The following KCTD16 variants were observed in gnomAD, a reference collection of about 807,000 sequenced individuals.
KCTD16 encodes the protein BTB/POZ domain-containing protein KCTD16.
A neutral mutation model predicts 33.2 loss-of-function variants in KCTD16; 13 were observed. The ratio of observed to expected loss-of-function variants is 0.39; its 90% CI spans 0.25 to 0.62. The LOEUF (loss-of-function observed/expected upper bound fraction) is 0.62. Among genes scored for constraint, KCTD16 ranks in the 20% least tolerant of loss-of-function variants. KCTD16 has a pLI of 0.50. For synonymous variants in KCTD16, 197 were observed against 195.3 expected, an observed-to-expected ratio of 1.01 and a Z score of -0.07; for missense variants, 441 against 525.1, an observed-to-expected ratio of 0.84 and a Z score of 1.57.
intron 2 of KCTD16, among the ~76,000 whole-genome samples, chr5:144,174,848 T>C (rs934872720): frequency 6.6e-6 from 1 of 152,328 alleles, no homozygotes; most frequent in Admixed American, 6.5e-5. Context: ...ATATTGTAAA[T>C]ACTGTAAATA....
At chr5:144,461,460 T>C (rs1754193780) in intron 3 of KCTD16, among the ~76,000 whole-genome samples, 1 of 152,218 alleles carries the variant, frequency 6.6e-6, no homozygotes, top group Non-Finnish European at 1.5e-5. Flanking sequence ...TTCTCACTGA[T>C]ATCTGTAACT....
intron 3 of KCTD16, among the ~76,000 whole-genome samples, chr5:144,393,949 T>G (rs1364914607): frequency 2.0e-5 from 3 of 151,242 alleles, no homozygotes; most frequent in African/African-American, 7.3e-5. Context: ...TTTTCCTTTT[T>G]TTCTTTCTTT....
At chr5:144,253,606 G>A (rs1023059377) in intron 3 of KCTD16, among the ~76,000 whole-genome samples, 2 of 152,140 alleles carry the variant, frequency 1.3e-5, no homozygotes, top group Non-Finnish European at 2.9e-5. Flanking sequence ...GTGCAGACAT[G>A]TGTCTATAGA....
chr5:144,317,911 A>G (rs1353278193), intron 3 of KCTD16, among the ~76,000 whole-genome samples: 1 of 152,112 alleles, frequency 6.6e-6, no homozygotes, highest in Non-Finnish European at 1.5e-5. Flanking sequence ...AGAGATGGAG[A>G]TTTATTCATC....
intron 3 of KCTD16, among the ~76,000 whole-genome samples, chr5:144,363,772 A>G (rs973745454): frequency 2.0e-5 from 3 of 152,194 alleles, no homozygotes; most frequent in Admixed American, 2.0e-4. Flanking sequence ...GACACCTCCC[A>G]GAGATCAACA....
intron 3 of KCTD16, among the ~76,000 whole-genome samples, chr5:144,240,807 T>C (rs999733337): frequency 2.0e-5 from 3 of 152,116 alleles, no homozygotes; most frequent in Non-Finnish European, 4.4e-5. Context: ...TAAGATTATA[T>C]TGAGATTATG....
chr5:144,243,809 T>C (rs1380173929), intron 3 of KCTD16, among the ~76,000 whole-genome samples: 1 of 152,138 alleles, frequency 6.6e-6, no homozygotes, highest in African/African-American at 2.4e-5. Context: ...AGTGGCACGA[T>C]GTTGGCTCAC....
chr5:144,296,372 G>C (rs1002794945), intron 3 of KCTD16, among the ~76,000 whole-genome samples: 1 of 152,158 alleles, frequency 6.6e-6, no homozygotes, highest in East Asian at 1.9e-4. Flanking sequence ...GTAAGAAATG[G>C]CTTCTAATTA....
At chr5:144,217,370 AGTT>A (rs1163267505) in intron 3 of KCTD16, among the ~76,000 whole-genome samples, 1 of 152,018 alleles carries the variant, frequency 6.6e-6, no homozygotes, top group Non-Finnish European at 1.5e-5. Flanking sequence ...ATCTGTGTGG[AGTT>A]GTTCAATTTT....
chr5:144,218,236 A>G (rs1474209939), intron 3 of KCTD16, among the ~76,000 whole-genome samples: 3 of 152,220 alleles, frequency 2.0e-5, no homozygotes, highest in Non-Finnish European at 4.4e-5. Context: ...GGAAATTTCA[A>G]TCTAGTGTGA....
At chr5:144,338,507 T>C (rs915113557) in intron 3 of KCTD16, among the ~76,000 whole-genome samples, 1 of 152,214 alleles carries the variant, frequency 6.6e-6, no homozygotes, top group Non-Finnish European at 1.5e-5. Flanking sequence ...TATGCTATAA[T>C]AATTGTATTA....
intron 2 of KCTD16, among the ~76,000 whole-genome samples, chr5:144,204,307 C>T (rs566182614): frequency 6.6e-6 from 1 of 152,086 alleles, no homozygotes; most frequent in Non-Finnish European, 1.5e-5. Context: ...TATTCATTGA[C>T]CAAGCACTAT....
chr5:144,251,976 A>G (rs571364651), intron 3 of KCTD16, among the ~76,000 whole-genome samples: 12 of 152,302 alleles, frequency 7.9e-5, no homozygotes, highest in Non-Finnish European at 1.2e-4. Context: ...AAGTATAATT[A>G]ACAAATAAAA....
At chr5:144,374,103 T>C (rs1408972410) in intron 3 of KCTD16, among the ~76,000 whole-genome samples, 2 of 152,212 alleles carry the variant, frequency 1.3e-5, no homozygotes, top group Non-Finnish European at 2.9e-5. Flanking sequence ...CCTTACTTTG[T>C]TTGCAGTGCC....
At position 144,286,668 on chromosome 5, in the gene KCTD16, T is replaced by C. The variant is rs556452966; in HGVS notation, c.832+79122T>C. On this transcript the variant is annotated intron_variant, in intron 3 of 3. Transcript: ENST00000512467. ...ATTGTACTTTTGAGTATGTCATTTATTTTTACTCTAAAATACTTTTTACAA... is the reference window on the plus strand; with the variant it reads ...ATTGTACTTTTGAGTATGTCATTTACTTTTACTCTAAAATACTTTTTACAA... Among the ~76,000 whole-genome samples, 72 of 152,344 alleles carry C rather than the reference T, an allele frequency of 4.7e-4. 1 individual carries two copies. Among genetic ancestry groups the C allele is most frequent in the Middle Eastern group, 3.4e-3 (1 of 294 alleles).
At chr5:144,308,038 C>A (rs1162248316) in intron 3 of KCTD16, among the ~76,000 whole-genome samples, 1 of 152,200 alleles carries the variant, frequency 6.6e-6, no homozygotes, top group Non-Finnish European at 1.5e-5. Context: ...GGCTCTTAAA[C>A]AGGCTCTTTC....
intron 3 of KCTD16, among the ~76,000 whole-genome samples, chr5:144,391,295 A>T (rs1361355113): frequency 1.3e-5 from 2 of 152,220 alleles, no homozygotes; most frequent in East Asian, 3.9e-4. Flanking sequence ...TAGAGATTTC[A>T]AGGTCCTTAG....
rs1488335100 is a variant in KCTD16, at chr5:144,207,690, A to G, written c.832+144A>G. ...AGTTGTAGTTAGAGGATTAGAGGTT[A>G]TAATTCAGCTCTCATGTCTAACCTA... On this transcript the variant is annotated intron_variant, in intron 3 of 3. Coordinates refer to ENST00000512467, the MANE Select transcript of KCTD16 (RefSeq NM_020768.4). 4.2e-5 allele frequency: 29 copies of G among 685,142 alleles called. No homozygotes were observed. The East Asian group carries it at 7.6e-4, about 18-fold the overall frequency. The allele number at this position is 685,142 out of a possible 1,614,324, so 42.4% of individuals were successfully genotyped here.
rs188433191 is a variant in KCTD16 at position 144,290,044 on chromosome 5, G to A, written c.832+82498G>A. On this transcript the variant is annotated intron_variant, in intron 3 of 3. Coordinates refer to ENST00000512467, the MANE Select transcript of KCTD16 (RefSeq NM_020768.4). ...GCCTGTAATCATAGCACTTTGGGAG[G>A]CCAAGGCGAGTGAATCATTTGAGTT... 3.9e-5 allele frequency among the ~76,000 whole-genome samples: 6 copies of A among 152,268 alleles called. No homozygotes were observed. The East Asian group carries it at 1.2e-3, about 29-fold the overall frequency.
Sources: gnomAD v4.1 joint callset for allele counts (sites outside exome capture counted in the v4.1 genomes callset) on GRCh38, gnomAD v4.1.1 for gene constraint, MANE v1.5 for transcripts, NCBI Gene and HGNC (gene_info 2026-07-23, HGNC 2026-07-21) for gene names.